The following IL1RAPL1 variants were observed in gnomAD, a reference collection of about 807,000 sequenced individuals.
The protein encoded by IL1RAPL1 is interleukin 1 receptor accessory protein like 1, also known as interleukin-1 receptor accessory protein-like 1.
In IL1RAPL1, 3 loss-of-function variants were observed where a neutral mutation model predicts 48.4. That is an observed-to-expected ratio of 0.06 (90% CI 0.03 to 0.16). IL1RAPL1 has a LOEUF of 0.16. IL1RAPL1 is among the 10% of genes least tolerant of loss of function. The pLI is 1.00. For missense variants in IL1RAPL1, 349 were observed against 530.6 expected (o/e 0.66, Z 3.36); for synonymous variants, 185 against 187.7 (o/e 0.99, Z 0.12).
intron 5 of IL1RAPL1, among the ~76,000 whole-genome samples, chrX:29,550,088 T>G (rs1028358): frequency 0.048 from 5,398 of 112,183 alleles, 344 homozygotes; most frequent in African/African-American, 0.16. Context: ...TGTACAGAAT[T>G]CTCTTTGATA....
At chrX:29,158,077 G>T (rs1403758524) in intron 2 of IL1RAPL1, among the ~76,000 whole-genome samples, 1 of 111,238 alleles carries the variant, frequency 9.0e-6, no homozygotes, top group Non-Finnish European at 1.9e-5. Flanking sequence ...GAGTCCTTTT[G>T]TTATTTAGAA....
intron 2 of IL1RAPL1, among the ~76,000 whole-genome samples, chrX:29,060,059 T>G (rs1459269410): frequency 8.9e-6 from 1 of 111,956 alleles, no homozygotes; most frequent in Non-Finnish European, 1.9e-5. Flanking sequence ...AATTACACAT[T>G]CAAACTAAAG....
At chrX:29,090,518 G>T (rs1390502023) in intron 2 of IL1RAPL1, among the ~76,000 whole-genome samples, 1 of 103,501 alleles carries the variant, frequency 9.7e-6, no homozygotes, top group African/African-American at 3.3e-5. Flanking sequence ...GAGGAAAAAA[G>T]ACATTTTGGT....
intron 2 of IL1RAPL1, among the ~76,000 whole-genome samples, chrX:28,804,991 A>G (rs1186562127): frequency 9.0e-6 from 1 of 111,301 alleles, no homozygotes; most frequent in Non-Finnish European, 1.9e-5. Flanking sequence ...AGGACTTTGT[A>G]TGACATGACA....
intron 2 of IL1RAPL1, among the ~76,000 whole-genome samples, chrX:29,074,907 A>G (rs1414348735): frequency 8.9e-6 from 1 of 112,226 alleles, no homozygotes; most frequent in Non-Finnish European, 1.9e-5. Flanking sequence ...CTTAAACTGA[A>G]TCAACCTGAC....
At chrX:29,341,992 A>G (rs1372650731) in intron 3 of IL1RAPL1, among the ~76,000 whole-genome samples, 1 of 109,772 alleles carries the variant, frequency 9.1e-6, no homozygotes, top group Non-Finnish European at 1.9e-5. Context: ...TATTTTTACT[A>G]GAGACGGGGT....
chrX:29,890,962 C>G (rs1304801657), intron 6 of IL1RAPL1, among the ~76,000 whole-genome samples: 1 of 112,133 alleles, frequency 8.9e-6, no homozygotes, highest in Non-Finnish European at 1.9e-5. Context: ...ACCTGCTGTG[C>G]ATCTGAGTCA....
intron 5 of IL1RAPL1, among the ~76,000 whole-genome samples, chrX:29,497,051 C>A (rs924508930): frequency 2.7e-5 from 3 of 112,604 alleles, no homozygotes; most frequent in African/African-American, 9.7e-5. Context: ...GCAACATAAC[C>A]CTGATATGAG....
chrX:29,109,703 A>G (rs1011948380), intron 2 of IL1RAPL1, among the ~76,000 whole-genome samples: 1 of 110,887 alleles, frequency 9.0e-6, no homozygotes, highest in African/African-American at 3.3e-5. Flanking sequence ...ATTTATTTTC[A>G]AATTTTCAAA....
intron 5 of IL1RAPL1, among the ~76,000 whole-genome samples, chrX:29,502,347 A>G (rs1935284187): frequency 9.0e-6 from 1 of 111,076 alleles, no homozygotes; most frequent in Non-Finnish European, 1.9e-5. Flanking sequence ...TAGGACTTCC[A>G]TTATTATATC....
chrX:29,405,657 C>A (rs746269245), intron 5 of IL1RAPL1, among the ~76,000 whole-genome samples: 2 of 109,111 alleles, frequency 1.8e-5, no homozygotes, highest in South Asian at 3.9e-4. Flanking sequence ...TGAGCCACCA[C>A]GCCCAGGCTC....
intron 6 of IL1RAPL1, among the ~76,000 whole-genome samples, chrX:29,706,239 G>A (rs1324396774): frequency 1.8e-5 from 2 of 111,792 alleles, no homozygotes; most frequent in African/African-American, 6.5e-5. Context: ...TTTGGCTGGG[G>A]ACATTGAACC....
rs1569173297 is a variant in IL1RAPL1 at position 29,802,989 on chromosome X, A to ATATGTATACATATATT, written c.779-114472_779-114471insGTATACATATATTTAT. 4.4e-3 allele frequency among the ~76,000 whole-genome samples: 182 copies of ATATGTATACATATATT among 41,739 alleles called. 13 individuals carry two copies. Among genetic ancestry groups the ATATGTATACATATATT allele is most frequent in the African/African-American group, 0.018 (171 of 9,330 alleles). The allele number at this position is 41,739 out of a possible 115,157, so 36.2% of individuals were successfully genotyped here. On this transcript the variant is annotated intron_variant, in intron 6 of 10. Transcript: ENST00000378993. Reference sequence around the variant, plus strand: ...TGTACATATATACATACATGTGTACATATATATGTATGCATATATACATAT... The same window carrying ATATGTATACATATATT: ...TGTACATATATACATACATGTGTACATATGTATACATATATTTATATATGTATGCATATATACATAT...
chrX:28,775,873 C>T (rs1305877291), intron 1 of IL1RAPL1, among the ~76,000 whole-genome samples: 2 of 112,180 alleles, frequency 1.8e-5, no homozygotes, highest in Non-Finnish European at 3.8e-5. Flanking sequence ...TGACTGCCTT[C>T]TCCTCATGAT....
At chrX:29,358,514 G>C (rs1332634482) in intron 3 of IL1RAPL1, among the ~76,000 whole-genome samples, 1 of 108,036 alleles carries the variant, frequency 9.3e-6, no homozygotes, top group Non-Finnish European at 1.9e-5. Flanking sequence ...TTACCAAAAA[G>C]CATGAACATA....
At chrX:29,333,079 C>T (rs1297901567) in intron 3 of IL1RAPL1, among the ~76,000 whole-genome samples, 2 of 112,366 alleles carry the variant, frequency 1.8e-5, no homozygotes, top group African/African-American at 6.4e-5. Context: ...CATCCGATTT[C>T]TCAATTTTTT....
chrX:29,015,940 C>T (rs762539208), intron 2 of IL1RAPL1, among the ~76,000 whole-genome samples: 1 of 111,766 alleles, frequency 8.9e-6, no homozygotes, highest in African/African-American at 3.2e-5. Context: ...AAGAGGTATA[C>T]ATATATGTGT....
chrX:28,912,028 T>C (rs755061755), intron 2 of IL1RAPL1, among the ~76,000 whole-genome samples: 1 of 102,207 alleles, frequency 9.8e-6, no homozygotes, highest in African/African-American at 3.6e-5. Context: ...ACATACGAGA[T>C]GGTAGCATTG....
intron 2 of IL1RAPL1, among the ~76,000 whole-genome samples, chrX:28,794,285 AT>A (rs1427219373): frequency 3.6e-5 from 4 of 111,024 alleles, no homozygotes; most frequent in African/African-American, 1.3e-4. Flanking sequence ...AAGGAAAATG[AT>A]TCTTCGAGTA....
Sources: gnomAD v4.1 joint callset for allele counts (sites outside exome capture counted in the v4.1 genomes callset) on GRCh38, gnomAD v4.1.1 for gene constraint, MANE v1.5 for transcripts, NCBI Gene and HGNC (gene_info 2026-07-23, HGNC 2026-07-21) for gene names.